MAPK10: variants seen among roughly 807,000 people sequenced by gnomAD.
MAPK10 encodes the protein mitogen-activated protein kinase 10.
A neutral mutation model predicts 59.3 loss-of-function variants in MAPK10; 25 were observed. The observed-to-expected ratio is 0.42, with a 90% CI of 0.31 to 0.59. The LOEUF is 0.59. Among genes scored for constraint, MAPK10 ranks in the 20% least tolerant of loss-of-function variants. The pLI is 0.15. For missense variants in MAPK10, 351 were observed against 568.9 expected (o/e 0.62, Z 3.90); for synonymous variants, 190 against 200.5 (o/e 0.95, Z 0.44).
intron 4 of MAPK10, among the ~76,000 whole-genome samples, chr4:86,158,170 T>C (rs2068419520): frequency 1.3e-5 from 2 of 150,522 alleles, no homozygotes. Context: ...TTTAAAACAT[T>C]TAAAATATTT....
chr4:86,527,634 A>C (rs1044145554), intron 1 of MAPK10, among the ~76,000 whole-genome samples: 5 of 152,230 alleles, frequency 3.3e-5, no homozygotes, highest in African/African-American at 1.2e-4. Context: ...CAGAACTACT[A>C]TTCGACCTGG....
intron 4 of MAPK10, among the ~76,000 whole-genome samples, chr4:86,148,144 TAA>T (rs1408641946): frequency 6.6e-6 from 1 of 152,146 alleles, no homozygotes; most frequent in African/African-American, 2.4e-5. Context: ...AATAAAAATA[TAA>T]AGAGTTCCAA....
chr4:86,485,275 T>C (rs749024121), intron 1 of MAPK10, among the ~76,000 whole-genome samples: 3 of 152,216 alleles, frequency 2.0e-5, no homozygotes, highest in Non-Finnish European at 2.9e-5. Context: ...TACACTTTCT[T>C]ATATGTATAT....
intron 1 of MAPK10, among the ~76,000 whole-genome samples, chr4:86,463,469 T>C (rs1751924577): frequency 6.6e-6 from 1 of 152,212 alleles, no homozygotes; most frequent in Non-Finnish European, 1.5e-5. Context: ...ATTCATTATA[T>C]GGATGATATA....
At chr4:86,321,889 A>C (rs1202051748) in intron 2 of MAPK10, 1 of 151,244 alleles carries the variant, frequency 6.6e-6, no homozygotes, top group Non-Finnish European at 1.5e-5. Flanking sequence ...CAGAGACAGG[A>C]TATCAGTATG....
chr4:86,278,879 G>C (rs574851013), intron 2 of MAPK10, among the ~76,000 whole-genome samples: 21 of 152,170 alleles, frequency 1.4e-4, no homozygotes, highest in African/African-American at 4.6e-4. Flanking sequence ...GAAAGACAAA[G>C]GATTTATCAC....
chr4:86,075,330 T>G (rs1043863408), intron 9 of MAPK10, among the ~76,000 whole-genome samples: 2 of 152,086 alleles, frequency 1.3e-5, no homozygotes, highest in African/African-American at 4.8e-5. Context: ...TTCTTTGCCT[T>G]TGGTTTGAAT....
intron 1 of MAPK10, among the ~76,000 whole-genome samples, chr4:86,359,288 C>CTCTGTGTGTGTGTGTG (rs796310826): frequency 8.5e-5 from 8 of 94,606 alleles, no homozygotes; most frequent in African/African-American, 3.7e-4. Flanking sequence ...CTCTCTCTCT[C>CTCTGTGTGTGTGTGTG]TGTGTGTGTG....
At chr4:86,462,743 C>T (rs1751857379) in intron 1 of MAPK10, among the ~76,000 whole-genome samples, 1 of 152,112 alleles carries the variant, frequency 6.6e-6, no homozygotes, top group African/African-American at 2.4e-5. Context: ...AGATTTATTA[C>T]AACAATGGGG....
At chr4:86,539,597 C>T (rs912666274) in intron 1 of MAPK10, among the ~76,000 whole-genome samples, 44 of 152,148 alleles carry the variant, frequency 2.9e-4, no homozygotes, top group African/African-American at 1.1e-3. Flanking sequence ...CTTTCTGTTC[C>T]TATAAACTAA....
intron 4 of MAPK10, among the ~76,000 whole-genome samples, chr4:86,145,066 C>T (rs2064577367): frequency 6.6e-6 from 1 of 152,100 alleles, no homozygotes; most frequent in South Asian, 2.1e-4. Flanking sequence ...CCTTAAAATA[C>T]AACGAAGCAG....
chr4:86,028,831 A>G (rs2148912927), intron 13 of MAPK10: 2 of 294,774 alleles, frequency 6.8e-6, no homozygotes, highest in South Asian at 6.7e-5. Context: ...GAATGAGGGA[A>G]GAGGTAGCGG....
At chr4:86,061,144 G>T (rs748591135) in intron 11 of MAPK10, among the ~76,000 whole-genome samples, 1 of 152,146 alleles carries the variant, frequency 6.6e-6, no homozygotes, top group African/African-American at 2.4e-5. Context: ...TTGCAGAAAG[G>T]TTAAGCAACT....
At chr4:86,367,301 A>G (rs1738052827) in intron 1 of MAPK10, among the ~76,000 whole-genome samples, 1 of 152,158 alleles carries the variant, frequency 6.6e-6, no homozygotes, top group East Asian at 1.9e-4. Flanking sequence ...TTTGAGTACC[A>G]TGTTCACTAT....
chr4:86,463,700 G>A (rs1030614010), intron 1 of MAPK10, among the ~76,000 whole-genome samples: 1 of 152,056 alleles, frequency 6.6e-6, no homozygotes, highest in African/African-American at 2.4e-5. Flanking sequence ...AAATTACTAG[G>A]GGACATTAAT....
intron 13 of MAPK10, among the ~76,000 whole-genome samples, chr4:86,026,003 A>G (rs1377402464): frequency 6.6e-6 from 1 of 152,240 alleles, no homozygotes; most frequent in Non-Finnish European, 1.5e-5. Context: ...TTTAATAAAA[A>G]GTAAATAAAA....
At chr4:86,366,189 CA>C (rs1737865513) in intron 1 of MAPK10, among the ~76,000 whole-genome samples, 1 of 151,920 alleles carries the variant, frequency 6.6e-6, no homozygotes, top group Admixed American at 6.6e-5. Flanking sequence ...TCAGAACAGA[CA>C]AAACTATTCT....
intron 1 of MAPK10, among the ~76,000 whole-genome samples, chr4:86,486,556 T>C (rs1754012543): frequency 6.6e-6 from 1 of 152,090 alleles, no homozygotes; most frequent in Non-Finnish European, 1.5e-5. Flanking sequence ...ATTGAGAAAA[T>C]GAATAATGTG....
intron 4 of MAPK10, among the ~76,000 whole-genome samples, chr4:86,149,248 G>A (rs2065774982): frequency 6.6e-6 from 1 of 151,982 alleles, no homozygotes; most frequent in South Asian, 2.1e-4. Flanking sequence ...CAGTGGCTTT[G>A]GATTGGATTT....
Sources: gnomAD v4.1 joint callset for allele counts (sites outside exome capture counted in the v4.1 genomes callset) on GRCh38, gnomAD v4.1.1 for gene constraint, MANE v1.5 for transcripts, NCBI Gene and HGNC (gene_info 2026-07-23, HGNC 2026-07-21) for gene names.